ZNF704: variants seen among roughly 807,000 people sequenced by gnomAD.
The protein encoded by ZNF704 is glucocorticoid induced gene 1.
Under a neutral mutation model 44.7 loss-of-function variants are expected in ZNF704, and 10 were observed. The ratio of observed to expected loss-of-function variants is 0.22; its 90% CI spans 0.14 to 0.38. The LOEUF is 0.38. ZNF704 is among the 10% of genes least tolerant of loss of function. The probability of loss-of-function intolerance (pLI) is 1.00; values close to 1 mark genes in which losing one functional copy is unlikely to be tolerated. For synonymous variants in ZNF704, 211 were observed against 207.6 expected (o/e 1.02, Z -0.14); for missense variants, 390 against 545.5 (o/e 0.71, Z 2.84).
At chr8:80,688,072 G>T (rs761337253) in intron 3 of ZNF704, among the ~76,000 whole-genome samples, 1 of 152,070 alleles carries the variant, frequency 6.6e-6, no homozygotes, top group Non-Finnish European at 1.5e-5. Context: ...GCCCGGCGTG[G>T]TGGCATGCAC....
intron 3 of ZNF704, among the ~76,000 whole-genome samples, chr8:80,692,341 C>T (rs1160811070): frequency 6.6e-6 from 1 of 152,164 alleles, no homozygotes; most frequent in Non-Finnish European, 1.5e-5. Flanking sequence ...AATAATACCT[C>T]ATAGAATTGT....
intron 2 of ZNF704, among the ~76,000 whole-genome samples, chr8:80,725,316 AC>A (rs1403899561): frequency 1.3e-5 from 2 of 152,178 alleles, no homozygotes; most frequent in African/African-American, 4.8e-5. Flanking sequence ...TAAATAACAA[AC>A]AAAATTTTTG....
At chr8:80,866,096 C>T (rs1266070866) in intron 1 of ZNF704, among the ~76,000 whole-genome samples, 1 of 152,126 alleles carries the variant, frequency 6.6e-6, no homozygotes, top group South Asian at 2.1e-4. Flanking sequence ...CATCTTTTAA[C>T]CAGCTATTCA....
chr8:80,689,226 T>C (rs1213463854), intron 3 of ZNF704, among the ~76,000 whole-genome samples: 1 of 152,200 alleles, frequency 6.6e-6, no homozygotes, highest in Non-Finnish European at 1.5e-5. Context: ...TAGATTATCA[T>C]TCATGGGGAG....
chr8:80,691,226 A>G (rs1818629577), intron 3 of ZNF704, among the ~76,000 whole-genome samples: 2 of 152,228 alleles, frequency 1.3e-5, no homozygotes, highest in Admixed American at 1.3e-4. Context: ...TGTGTGAACC[A>G]TATCTTAATC....
At chr8:80,854,959 A>T (rs146566996) in intron 1 of ZNF704, among the ~76,000 whole-genome samples, 2 of 152,332 alleles carry the variant, frequency 1.3e-5, no homozygotes, top group African/African-American at 4.8e-5. Flanking sequence ...ATGTGAAATA[A>T]GCACATCATG....
upstream of ZNF704, among the ~76,000 whole-genome samples, chr8:80,877,490 T>A (rs1386875519): frequency 6.6e-6 from 1 of 152,214 alleles, no homozygotes; most frequent in Admixed American, 6.5e-5. Flanking sequence ...AAAAGTATCT[T>A]GTGATGCCAA....
intron 2 of ZNF704, among the ~76,000 whole-genome samples, chr8:80,734,139 G>A (rs569411363): frequency 3.3e-5 from 5 of 152,244 alleles, no homozygotes; most frequent in East Asian, 1.9e-4. Flanking sequence ...GAAACAAATC[G>A]TTTCTACAGA....
rs1383389374 is a variant in ZNF704 at position 80,639,805 on chromosome 8, C to T, written c.*1561G>A. 1 of 152,538 alleles carries T rather than the reference C, an allele frequency of 6.6e-6. No individual in the cohort carries two copies. Among genetic ancestry groups the T allele is most frequent in the East Asian group, 1.9e-4 (1 of 5,192 alleles). The allele number at this position is 152,538 out of a possible 1,614,324, so 9.4% of individuals were successfully genotyped here. A position where few individuals can be genotyped will look rare whatever the true frequency, so the allele number is the denominator to read the frequency against. ...ATCTCTAGACATATATTAAACTTTC[C>T]TCTGTGCAATTTCATTTAACATTCC... On this transcript the variant is annotated 3_prime_UTR_variant, in exon 9 of 9. Transcript: ENST00000327835.
intron 2 of ZNF704, among the ~76,000 whole-genome samples, chr8:80,804,478 G>A (rs1807953962): frequency 6.6e-6 from 1 of 152,076 alleles, no homozygotes; most frequent in African/African-American, 2.4e-5. Flanking sequence ...TATATACCAT[G>A]GAATACTATG....
intron 7 of ZNF704, among the ~76,000 whole-genome samples, chr8:80,650,606 A>C (rs1274596257): frequency 6.6e-6 from 1 of 152,190 alleles, no homozygotes; most frequent in African/African-American, 2.4e-5. Context: ...TGAGAAGAGA[A>C]GTTTAGACAA....
At chr8:80,687,169 G>A (rs750835920) in intron 4 of ZNF704, 57 bp downstream of exon 4, 37 of 1,499,660 alleles carry the variant, frequency 2.5e-5, no homozygotes, top group Non-Finnish European at 2.9e-5. Flanking sequence ...CCTTCAGAGG[G>A]GACAGAAAGC....
chr8:80,730,538 T>TAAAAAAAAA (rs148942015), intron 2 of ZNF704, among the ~76,000 whole-genome samples: 1 of 63,958 alleles, frequency 1.6e-5, no homozygotes, highest in African/African-American at 5.1e-5. Context: ...GACTACATCT[T>TAAAAAAAAA]AAAAAAAAAA....
In ZNF704 at chr8:80,683,277, C is replaced by T. The variant is rs998412340; in HGVS notation, c.558+3949G>A. ...CTTGACAAAGTTGGCTGGCTGACCT[C>T]CAGAGCTAGGATAGAGAAGCCTTTC... On this transcript the variant is annotated intron_variant, in intron 4 of 8. Coordinates refer to ENST00000327835, the MANE Select transcript of ZNF704 (RefSeq NM_001033723.3). Among the ~76,000 whole-genome samples the T allele has an allele frequency of 2.8e-4, 42 of 152,174 alleles. 1 individual carries two copies. Among genetic ancestry groups the T allele is most frequent in the Non-Finnish European group, 1.5e-5 (1 of 68,034 alleles).
At chr8:80,878,965 G>T (rs1452456175), upstream of ZNF704, among the ~76,000 whole-genome samples, 1 of 152,084 alleles carries the variant, frequency 6.6e-6, no homozygotes, top group Admixed American at 6.6e-5. Context: ...CACTTGAGAG[G>T]CAATAAATAG....
chr8:80,764,841 C>T (rs1016483593), intron 2 of ZNF704, among the ~76,000 whole-genome samples: 2 of 152,192 alleles, frequency 1.3e-5, no homozygotes, highest in African/African-American at 4.8e-5. Context: ...ATATCTCTTA[C>T]ATTTTGTTAT....
chr8:80,821,801 A>G (rs1477780874), intron 1 of ZNF704, among the ~76,000 whole-genome samples, 186 bp from the exon 2 acceptor site: 1 of 152,252 alleles, frequency 6.6e-6, no homozygotes, highest in Non-Finnish European at 1.5e-5. Flanking sequence ...CAATCAATGC[A>G]TCTGTAATAA....
At chr8:80,852,308 T>C (rs1410888839) in intron 1 of ZNF704, among the ~76,000 whole-genome samples, 1 of 152,216 alleles carries the variant, frequency 6.6e-6, no homozygotes, top group African/African-American at 2.4e-5. Context: ...TTCATACTTA[T>C]GATAAAAATA....
chr8:80,693,776 G>A (rs528663500), intron 2 of ZNF704, among the ~76,000 whole-genome samples: 1 of 152,252 alleles, frequency 6.6e-6, no homozygotes, highest in African/African-American at 2.4e-5. Flanking sequence ...AGTCAGACGG[G>A]GTCCAGTGGC....
Sources: allele counts gnomAD v4.1 joint callset (sites outside exome capture counted in the v4.1 genomes callset), GRCh38; gene constraint gnomAD v4.1.1; transcripts MANE v1.5; gene names NCBI Gene and HGNC (gene_info 2026-07-23, HGNC 2026-07-21).